The following RIOK3 variants were observed in gnomAD, a reference collection of about 807,000 sequenced individuals.
RIOK3 encodes serine/threonine-protein kinase RIO3.
Under a neutral mutation model 63.5 loss-of-function variants are expected in RIOK3, and 40 were observed. That is an observed-to-expected ratio of 0.63 (90% CI 0.49 to 0.82). The LOEUF is 0.82. RIOK3 is among the 40% of genes least tolerant of loss of function. The pLI is 0.00. For missense variants in RIOK3, 557 were observed against 637.0 expected (o/e 0.87, Z 1.35); for synonymous variants, 193 against 205.0 (o/e 0.94, Z 0.50).
rs750569367 is a variant in RIOK3 at position 23,481,323 on chromosome 18, A to C, written c.*44A>C. 8.5e-7 allele frequency: 1 copy of C among 1,178,904 alleles called. No homozygotes were observed. The highest frequency in any genetic ancestry group is 2.3e-5 in the Admixed American group (1 of 42,594). The allele number at this position is 1,178,904 out of a possible 1,614,324, so 73.0% of individuals were successfully genotyped here. A position where few individuals can be genotyped will look rare whatever the true frequency, so the allele number is the denominator to read the frequency against. On this transcript the variant is annotated 3_prime_UTR_variant, in exon 13 of 13. Transcript: ENST00000339486. ...CAGTGTTAACACAGCAGTGATTGTC[A>C]GCTGCCAATAGCAAATGAAGTTATG... is the stretch of plus-strand genomic sequence containing the variant.
rs2145711128 is a variant in RIOK3 at position 23,482,381 on chromosome 18, T to G, written c.*1102T>G. On this transcript the variant is annotated 3_prime_UTR_variant, in exon 13 of 13. Coordinates refer to ENST00000339486, the MANE Select transcript of RIOK3 (RefSeq NM_003831.5). ...AAAAATTAGCCGGGTGTGGTGGCACTTCTCTGTAATCTCAGCTTCTCAGGA... is the reference window on the plus strand; with the variant it reads ...AAAAATTAGCCGGGTGTGGTGGCACGTCTCTGTAATCTCAGCTTCTCAGGA... 1 of 152,270 alleles carries G rather than the reference T, an allele frequency of 6.6e-6. No individual in the cohort carries two copies. The highest frequency in any genetic ancestry group is 1.9e-4 in the East Asian group (1 of 5,168). 9.4% of individuals were successfully genotyped at this position (152,270 alleles called of 1,614,324 possible).
intron 7 of RIOK3, among the ~76,000 whole-genome samples, chr18:23,472,307 A>G (rs922475327): frequency 4.6e-5 from 7 of 152,142 alleles, no homozygotes; most frequent in Admixed American, 1.3e-4. Context: ...GAAATTGCCC[A>G]GGAAGAGAAG....
chr18:23,466,108 A>C, intron 5 of RIOK3, 25 bp from the exon 6 acceptor site: 1 of 1,545,734 alleles, frequency 6.5e-7, no homozygotes, highest in Non-Finnish European at 8.7e-7. Flanking sequence ...TAAAATATTT[A>C]GATGCTAATT....
chr18:23,468,363 C>T (rs1178484750), intron 7 of RIOK3, among the ~76,000 whole-genome samples: 7 of 126,222 alleles, frequency 5.5e-5, no homozygotes, highest in African/African-American at 1.9e-4. Context: ...AGTACAATGG[C>T]GCAATCTCAG....
In RIOK3 at chr18:23,464,260, G is replaced by A; in HGVS notation, c.380G>A (p.Ser127Asn). 6.2e-7 allele frequency: 1 copy of A among 1,614,132 alleles called. No individual in the cohort carries two copies. The highest frequency in any genetic ancestry group is 1.3e-5 in the African/African-American group (1 of 75,044). The part of the protein sequence containing the change: ...RKVHPYEDSD[S>N]SEDEVDWQDT... Reference sequence around the variant, plus strand: ...GTGCATCCTTATGAAGACAGCGATAGCTCTGAAGATGAGGTTGACTGGCAG... The same window carrying A: ...GTGCATCCTTATGAAGACAGCGATAACTCTGAAGATGAGGTTGACTGGCAG... The change falls in exon 4 of 13, where the codon AGC becomes AAC. Residue 127 changes from serine to asparagine, a missense_variant. This residue lies in a region of RIOK3 where 243 missense variants were observed against 275.4 expected (regional missense o/e 0.88). Transcript: ENST00000339486.
At chr18:23,471,581 T>A (rs575058937) in intron 7 of RIOK3, among the ~76,000 whole-genome samples, 1 of 152,156 alleles carries the variant, frequency 6.6e-6, no homozygotes, top group Admixed American at 6.5e-5. Flanking sequence ...GAAGAAGCAG[T>A]AAGATCAGTT....
intron 1 of RIOK3, among the ~76,000 whole-genome samples, chr18:23,459,656 G>A (rs969427254): frequency 6.6e-6 from 1 of 152,136 alleles, no homozygotes; most frequent in African/African-American, 2.4e-5. Context: ...AAGGCATGCA[G>A]CGGGGAAAGT....
intron 11 of RIOK3, among the ~76,000 whole-genome samples, chr18:23,477,551 G>A (rs2057500279): frequency 6.6e-6 from 1 of 151,880 alleles, no homozygotes; most frequent in Non-Finnish European, 1.5e-5. Flanking sequence ...ATCATTTGAT[G>A]TCAGAGGTTC....
rs774432525 is a variant in RIOK3 at position 23,464,571 on chromosome 18, C to T, written c.486C>T (p.Ile162=). ...GCTTTATTGGAAAAGGAAAAGATAT[C>T]ACCACCAAACATGATGAAGTAGTAT... ...KKGFIGKGKD[I]TTKHDEVVCG... Residue 162 remains isoleucine (I), a synonymous_variant, in exon 5 of 13, where the codon ATC becomes ATT. Transcript: ENST00000339486. 15 of 1,608,204 alleles carry T rather than the reference C, an allele frequency of 9.3e-6. No homozygotes were observed. The highest frequency in any genetic ancestry group is 1.3e-5 in the Non-Finnish European group (15 of 1,178,532).
chr18:23,474,735 G>C (rs2057477812), intron 8 of RIOK3, among the ~76,000 whole-genome samples: 2 of 152,114 alleles, frequency 1.3e-5, no homozygotes, highest in Non-Finnish European at 2.9e-5. Context: ...ACCTCTGCCA[G>C]TGCGTAATTG....
chr18:23,466,442 C>T (rs917174672), intron 6 of RIOK3, among the ~76,000 whole-genome samples, 166 bp downstream of exon 6: 1 of 151,924 alleles, frequency 6.6e-6, no homozygotes, highest in Non-Finnish European at 1.5e-5. Flanking sequence ...CCTGTAATCC[C>T]ACTACTTTGG....
rs2057357818 is a variant in RIOK3, at chr18:23,459,000, G to A, written c.64-3964G>A. Among the ~76,000 whole-genome samples, 6 of 152,298 alleles carry A rather than the reference G, an allele frequency of 3.9e-5. No individual in the cohort carries two copies. In the South Asian group the frequency reaches 1.2e-3, roughly 32 times the overall value. On this transcript the variant is annotated intron_variant, in intron 1 of 12. Coordinates refer to ENST00000339486, the MANE Select transcript of RIOK3 (RefSeq NM_003831.5). Reference sequence around the variant, plus strand: ...GAAGTGGACCAGTTGAGCTGTTACAGGGTAGTATAGTCTCTAGAGTCTAGG... The same window carrying A: ...GAAGTGGACCAGTTGAGCTGTTACAAGGTAGTATAGTCTCTAGAGTCTAGG...
rs377149340 is a variant in RIOK3 at position 23,465,138 on chromosome 18, G to A, written c.543+510G>A. Among the ~76,000 whole-genome samples the A allele has an allele frequency of 6.8e-4, 104 of 152,170 alleles. 1 individual carries two copies. Among genetic ancestry groups the A allele is most frequent in the Non-Finnish European group, 1.1e-3 (75 of 68,032 alleles). ...TGTAATCCCAGTATTTTGGGATGCC[G>A]AGGTGGGCAGATCACCTGAGGTCAG... On this transcript the variant is annotated intron_variant, in intron 5 of 12. Transcript: ENST00000339486.
chr18:23,471,833 T>G (rs752057186), intron 7 of RIOK3, among the ~76,000 whole-genome samples: 1 of 152,194 alleles, frequency 6.6e-6, no homozygotes, highest in Non-Finnish European at 1.5e-5. Context: ...AGTTTTGTTT[T>G]GGGCATATTA....
Position 23,467,507 on chromosome 18 carries a change from T to C in RIOK3, c.796T>C (p.Phe266Leu), listed in dbSNP as rs757441208. The C allele has an allele frequency of 1.9e-6, 3 of 1,613,434 alleles. No individual in the cohort carries two copies. Among genetic ancestry groups the C allele is most frequent in the Non-Finnish European group, 2.5e-6 (3 of 1,179,598 alleles). Residue 266 changes from phenylalanine to leucine, a missense_variant, in exon 7 of 13, where the codon TTT becomes CTT. Transcript: ENST00000339486. ...TAGTACAGGAAAGGAGTCTGTTGTC[T>C]TTCATGCATATGGAGGGAGGTAAAT... ...CISTGKESVV[F>L]HAYGGSMEDE... is the part of the protein sequence containing the mutation.
rs1598820473 is a variant in RIOK3 at position 23,482,545 on chromosome 18, A to G, written c.*1266A>G. 1.3e-5 allele frequency: 2 copies of G among 152,082 alleles called. No individual in the cohort carries two copies. The highest frequency in any genetic ancestry group is 3.9e-4 in the East Asian group (2 of 5,188). The allele number at this position is 152,082 out of a possible 1,614,324, so 9.4% of individuals were successfully genotyped here. The stretch of plus-strand genomic sequence containing the variant: ...AAAAAAAAACCCAATTTGGATACCA[A>G]ATTAATCAACTAATTTGAGCTATCT... On this transcript the variant is annotated 3_prime_UTR_variant, in exon 13 of 13. Coordinates refer to ENST00000339486, the MANE Select transcript of RIOK3 (RefSeq NM_003831.5).
intron 1 of RIOK3, among the ~76,000 whole-genome samples, chr18:23,461,639 C>T (rs567820492): frequency 2.0e-4 from 31 of 152,298 alleles, no homozygotes; most frequent in African/African-American, 7.0e-4. Flanking sequence ...ATCTTGCTCC[C>T]TCAGAAATTA....
At chr18:23,456,396 C>T (rs1385980180) in intron 1 of RIOK3, 1 of 151,914 alleles carries the variant, frequency 6.6e-6, no homozygotes, top group East Asian at 1.9e-4. Flanking sequence ...AGTGGGTTAT[C>T]AGAACTTATT....
chr18:23,479,802 C>T (rs1010636916), intron 12 of RIOK3, among the ~76,000 whole-genome samples: 4 of 152,098 alleles, frequency 2.6e-5, no homozygotes, highest in Admixed American at 2.0e-4. Context: ...GTCTTGAACT[C>T]CTGGCCTCAA....
Sources: gnomAD v4.1 joint callset for allele counts (sites outside exome capture counted in the v4.1 genomes callset) on GRCh38, gnomAD v4.1.1 for gene constraint, gnomAD v4.1.1 regional missense constraint, MANE v1.5 for transcripts, NCBI Gene and HGNC (gene_info 2026-07-23, HGNC 2026-07-21) for gene names.